EPC1: variants seen among roughly 807,000 people sequenced by gnomAD.
The protein encoded by EPC1 is enhancer of polycomb homolog 1.
In EPC1, 12 loss-of-function variants were observed where a neutral mutation model predicts 98.4. The ratio of observed to expected loss-of-function variants is 0.12; its 90% CI spans 0.08 to 0.20. EPC1 has a LOEUF of 0.20. Ranked by LOEUF, EPC1 falls within the 10% of genes least tolerant of loss-of-function variation. The probability of loss-of-function intolerance (pLI) is 1.00; values close to 1 mark genes in which losing one functional copy is unlikely to be tolerated. For missense variants in EPC1, 729 were observed against 990.5 expected, an observed-to-expected ratio of 0.74 and a Z score of 3.54; for synonymous variants, 357 against 363.9, an observed-to-expected ratio of 0.98 and a Z score of 0.21.
Position 32,344,132 on chromosome 10 carries a change from A to G in EPC1, c.153+2631T>C, listed in dbSNP as rs528238732. Among the ~76,000 whole-genome samples the G allele has an allele frequency of 6.8e-4, 103 of 152,322 alleles. 1 individual carries two copies. The South Asian group carries it at 0.019, about 28-fold the overall frequency. On this transcript the variant is annotated intron_variant, in intron 1 of 13. Transcript: ENST00000319778. ...AAGTACAAAATACTTCCGCACATCA[A>G]AAAGTTTGTTTTTCTATGGAGAATC... is the stretch of plus-strand genomic sequence containing the variant.
Position 32,301,092 on chromosome 10 carries a change from G to A in EPC1, c.313+4680C>T, listed in dbSNP as rs1380540219. ...TATCTATCTATCTATCTATCTATCT[G>A]CCTGCCTACCTACCTACGTACCTAC... On this transcript the variant is annotated intron_variant, in intron 2 of 13. Transcript: ENST00000319778. Among the ~76,000 whole-genome samples, 10 of 136,380 alleles carry A rather than the reference G, an allele frequency of 7.3e-5. No individual in the cohort carries two copies. The Middle Eastern group carries it at 0.012, about 160-fold the overall frequency. The allele number at this position is 136,380 out of a possible 152,430, so 89.5% of individuals were successfully genotyped here.
intron 5 of EPC1, 29 bp downstream of exon 5, chr10:32,292,464 ACTT>A (rs1834905159): frequency 2.0e-6 from 3 of 1,471,664 alleles, no homozygotes; most frequent in Non-Finnish European, 2.8e-6. Context: ...ATGGCACTAT[ACTT>A]CCTCTAACAT....
rs1237038708 is a variant in EPC1, at chr10:32,273,280, TGCTG to T, written c.1745-3_1745del. On this transcript the variant is annotated splice_acceptor_variant and splice_polypyrimidine_tract_variant and coding_sequence_variant and intron_variant, in exon 11 of 14. Transcript: ENST00000319778. LOFTEE classifies it high-confidence loss of function. ...GTTGCTGGTATTGTTCGGCTGTAAATGCTGAACATAAAATAAAGAAACACTTTAT... is the reference window on the plus strand; with the variant it reads ...GTTGCTGGTATTGTTCGGCTGTAAATAACATAAAATAAAGAAACACTTTAT... The T allele has an allele frequency of 2.5e-6, 4 of 1,613,902 alleles. No homozygotes were observed. Among genetic ancestry groups the T allele is most frequent in the Non-Finnish European group, 2.5e-6 (3 of 1,179,840 alleles).
intron 1 of EPC1, among the ~76,000 whole-genome samples, chr10:32,306,997 G>A (rs150663742): frequency 0.015 from 2,309 of 152,210 alleles, 21 homozygotes; most frequent in Non-Finnish European, 0.022. Context: ...ATATACAAAT[G>A]TGTACATATT....
intron 1 of EPC1, among the ~76,000 whole-genome samples, chr10:32,330,551 A>AT (rs1386681298): frequency 6.6e-6 from 1 of 152,192 alleles, no homozygotes; most frequent in Non-Finnish European, 1.5e-5. Flanking sequence ...ATGCCACTTT[A>AT]TTTAGTAATC....
At chr10:32,365,043 A>G (rs1464523458) in intron 1 of EPC1, among the ~76,000 whole-genome samples, 1 of 152,160 alleles carries the variant, frequency 6.6e-6, no homozygotes. Context: ...AGAAAGCACT[A>G]AGAGAAGTAT....
Position 32,286,536 on chromosome 10 carries a change from G to C in EPC1, c.1391+158C>G, listed in dbSNP as rs1836687656. The C allele has an allele frequency of 3.5e-6, 3 of 847,528 alleles. No homozygotes were observed. In the African/African-American group the frequency reaches 5.1e-5, roughly 14 times the overall value. The allele number at this position is 847,528 out of a possible 1,614,324, so 52.5% of individuals were successfully genotyped here. A position where few individuals can be genotyped will look rare whatever the true frequency, so the allele number is the denominator to read the frequency against. ...AAAAACTATGGATGTGTAAGAACCA[G>C]GCAGCACAGCAACAAAAATATTTTA... On this transcript the variant is annotated intron_variant, in intron 9 of 13. Coordinates refer to ENST00000319778, the MANE Select transcript of EPC1 (RefSeq NM_001272004.3).
chr10:32,293,505 C>G lies in EPC1; in HGVS notation c.459+87G>C, dbSNP rs541346410. 1.6e-4 allele frequency: 202 copies of G among 1,281,554 alleles called. 2 individuals are homozygous for G. The South Asian group carries it at 2.7e-3, about 17-fold the overall frequency. 79.4% of individuals were successfully genotyped at this position (1,281,554 alleles called of 1,614,324 possible). A position where few individuals can be genotyped will look rare whatever the true frequency, so the allele number is the denominator to read the frequency against. On this transcript the variant is annotated intron_variant, in intron 3 of 13. Coordinates refer to ENST00000319778, the MANE Select transcript of EPC1 (RefSeq NM_001272004.3). ...AACTCTAAAGCCTGACTGATTACCCCCAACCTGCAATCTCACACTCTTTCC... is the reference window on the plus strand; with the variant it reads ...AACTCTAAAGCCTGACTGATTACCCGCAACCTGCAATCTCACACTCTTTCC...
intron 1 of EPC1, among the ~76,000 whole-genome samples, chr10:32,343,094 T>A (rs1233363203): frequency 6.6e-6 from 1 of 151,288 alleles, no homozygotes; most frequent in African/African-American, 2.4e-5. Context: ...TATCTTTTTT[T>A]AAACCCCAAA....
intron 1 of EPC1, among the ~76,000 whole-genome samples, chr10:32,321,820 C>T (rs1015409353): frequency 6.6e-6 from 1 of 151,694 alleles, no homozygotes; most frequent in Non-Finnish European, 1.5e-5. Context: ...TCTTCTTCTG[C>T]CTTCCCCATC....
rs77449775 is a variant in EPC1, at chr10:32,315,312, A to G, written c.154-9381T>C. 1.1e-3 allele frequency among the ~76,000 whole-genome samples: 168 copies of G among 152,360 alleles called. 2 individuals are homozygous for G. The East Asian group carries it at 0.03, about 27-fold the overall frequency. On this transcript the variant is annotated intron_variant, in intron 1 of 13. Coordinates refer to ENST00000319778, the MANE Select transcript of EPC1 (RefSeq NM_001272004.3). ...AAAAGACATTTCTACTTGCTCTATAATAAATTATAATAAACATTACCAATC... is the reference window on the plus strand; with the variant it reads ...AAAAGACATTTCTACTTGCTCTATAGTAAATTATAATAAACATTACCAATC...
At chr10:32,359,804 T>A (rs866231214) in intron 1 of EPC1, among the ~76,000 whole-genome samples, 4 of 152,230 alleles carry the variant, frequency 2.6e-5, no homozygotes, top group Non-Finnish European at 5.9e-5. Context: ...AAAATTAATT[T>A]ATTTAAAAGA....
At chr10:32,284,609 T>TA in intron 10 of EPC1, 89 bp downstream of exon 10, 1 of 1,097,706 alleles carries the variant, frequency 9.1e-7, no homozygotes, top group Non-Finnish European at 1.3e-6. Flanking sequence ...CTTTAAGCCA[T>TA]AAATGTAACA....
At position 32,294,809 on chromosome 10, in the gene EPC1, C is replaced by T. The variant is rs188755588; in HGVS notation, c.314-1072G>A. Among the ~76,000 whole-genome samples, 548 of 152,240 alleles carry T rather than the reference C, an allele frequency of 3.6e-3. 3 individuals are homozygous for T. The highest frequency in any genetic ancestry group is 0.013 in the African/African-American group (523 of 41,536). ...CTTCTACTAACATTACAGTCCACAT[C>T]TTTAGAATGGTATAAGGCCCTTTTT... On this transcript the variant is annotated intron_variant, in intron 2 of 13. Transcript: ENST00000319778.
At chr10:32,295,362 T>C (rs1835090908) in intron 2 of EPC1, among the ~76,000 whole-genome samples, 1 of 152,230 alleles carries the variant, frequency 6.6e-6, no homozygotes, top group Non-Finnish European at 1.5e-5. Context: ...TAACACAGTG[T>C]CTGGCCTGGG....
chr10:32,375,975 A>T (rs2490524), intron 1 of EPC1, among the ~76,000 whole-genome samples: 111,400 of 151,756 alleles, frequency 0.73, 42,070 homozygotes, highest in East Asian at 0.85. Flanking sequence ...ATTAAAAAAA[A>T]TAATGTTCAA....
In EPC1 at chr10:32,346,759, G is replaced by C. The variant is rs780341958; in HGVS notation, c.153+4C>G. 6.2e-7 allele frequency: 1 copy of C among 1,613,884 alleles called. No individual in the cohort carries two copies. Among genetic ancestry groups the C allele is most frequent in the Non-Finnish European group, 8.5e-7 (1 of 1,179,818 alleles). Reference sequence around the variant, plus strand: ...GTGGGTCGGACAGGGGAGTTAACACGTACCGACTCCTCTTCCTTCTCCATT... The same window carrying C: ...GTGGGTCGGACAGGGGAGTTAACACCTACCGACTCCTCTTCCTTCTCCATT... On this transcript the variant is annotated splice_donor_region_variant and intron_variant, in intron 1 of 13. Coordinates refer to ENST00000319778, the MANE Select transcript of EPC1 (RefSeq NM_001272004.3).
At chr10:32,283,999 T>C (rs1366883205) in intron 10 of EPC1, 1 of 152,216 alleles carries the variant, frequency 6.6e-6, no homozygotes, top group African/African-American at 2.4e-5. Flanking sequence ...AATATCTTCA[T>C]AGTCCTCAGA....
chr10:32,347,243 C>A, upstream of EPC1: 2 of 1,190,620 alleles, frequency 1.7e-6, no homozygotes, highest in Non-Finnish European at 2.1e-6. Context: ...AGCGCGGGCT[C>A]GAGGCCGGCG....
Sources: allele counts gnomAD v4.1 joint callset (sites outside exome capture counted in the v4.1 genomes callset), GRCh38; gene constraint gnomAD v4.1.1; transcripts MANE v1.5; gene names NCBI Gene and HGNC (gene_info 2026-07-23, HGNC 2026-07-21).